The following MEGF11 variants were observed in gnomAD, a reference collection of about 807,000 sequenced individuals.
MEGF11 encodes multiple EGF like domains 11.
MEGF11 carries 126 observed loss-of-function variants against 146.6 expected under a neutral mutation model. The ratio of observed to expected loss-of-function variants is 0.86; its 90% confidence interval spans 0.74 to 1.00. MEGF11 has a LOEUF of 1.00. Ranked by LOEUF, MEGF11 falls within the 50% of genes least tolerant of loss-of-function variation. The probability of loss-of-function intolerance (pLI) is 0.00; values close to 1 mark genes in which losing one functional copy is unlikely to be tolerated. For missense variants in MEGF11, 1,509 were observed against 1,521.2 expected, an observed-to-expected ratio of 0.99 and a Z score of 0.13; for synonymous variants, 532 against 583.4, an observed-to-expected ratio of 0.91 and a Z score of 1.27.
At chr15:66,141,279 T>TGAGA (rs1464004454) in intron 1 of MEGF11, among the ~76,000 whole-genome samples, 23 of 118,914 alleles carry the variant, frequency 1.9e-4, no homozygotes, top group Non-Finnish European at 2.6e-4. Context: ...TGTGTGTGTG[T>TGAGA]GTGTGTGTGT....
At chr15:65,968,121 G>T (rs1253506866) in intron 8 of MEGF11, among the ~76,000 whole-genome samples, 1 of 151,978 alleles carries the variant, frequency 6.6e-6, no homozygotes, top group Non-Finnish European at 1.5e-5. Flanking sequence ...AGAGGGAAGA[G>T]GAGGCAAGAA....
At chr15:66,065,440 C>T (rs2085083004) in intron 5 of MEGF11, among the ~76,000 whole-genome samples, 1 of 152,180 alleles carries the variant, frequency 6.6e-6, no homozygotes, top group Non-Finnish European at 1.5e-5. Context: ...GTCCTTTGCT[C>T]TGCATGTCTG....
intron 22 of MEGF11, 119 bp downstream of exon 22, chr15:65,909,621 C>A: frequency 9.7e-7 from 1 of 1,031,028 alleles, no homozygotes; most frequent in Non-Finnish European, 1.4e-6. Context: ...AAAATTTCTC[C>A]CTGGGGGAAA....
At position 66,094,462 on chromosome 15, in the gene MEGF11, A is replaced by G; in HGVS notation, c.334T>C (p.Cys112Arg). 3 of 1,560,430 alleles carry G rather than the reference A, an allele frequency of 1.9e-6. No homozygotes were observed. Among genetic ancestry groups the G allele is most frequent in the Non-Finnish European group, 2.6e-6 (3 of 1,152,112 alleles). The change falls in exon 5 of 26, where the codon TGC becomes CGC. Residue 112 changes from cysteine (C) to arginine (R), a missense_variant. Physicochemically the swap from Cys to Arg is radical, Grantham distance 180. Coordinates refer to ENST00000395614, the MANE Select transcript of MEGF11 (RefSeq NM_001385028.1). ...CAGTGGCAGGTGTCCGGGGAAACGC[A>G]GCGGCCGTGCACACACTCCTCCGTA... The part of the protein sequence containing the change: ...LCTEECVHGR[C>R]VSPDTCHCEP...
intron 5 of MEGF11, among the ~76,000 whole-genome samples, chr15:66,088,202 A>G (rs1374301816): frequency 1.3e-5 from 2 of 152,228 alleles, no homozygotes; most frequent in African/African-American, 4.8e-5. Flanking sequence ...CCAACAAAAA[A>G]AAGTCCAGGA....
At chr15:66,140,533 T>C (rs1597117443) in intron 1 of MEGF11, among the ~76,000 whole-genome samples, 1 of 152,310 alleles carries the variant, frequency 6.6e-6, no homozygotes, top group East Asian at 1.9e-4. Flanking sequence ...GGCAGGACGC[T>C]TGCACCAAGT....
At chr15:65,952,583 A>AC (rs1249521442) in intron 10 of MEGF11, among the ~76,000 whole-genome samples, 1 of 151,990 alleles carries the variant, frequency 6.6e-6, no homozygotes, top group Non-Finnish European at 1.5e-5. Context: ...CTGGGCGAGG[A>AC]CCCTGGATTC....
chr15:65,966,611 C>T (rs751041653), intron 8 of MEGF11, among the ~76,000 whole-genome samples: 1 of 152,140 alleles, frequency 6.6e-6, no homozygotes, highest in Non-Finnish European at 1.5e-5. Context: ...GCTATTTTCC[C>T]TTCCTTGGAA....
chr15:66,002,039 C>T (rs1005022558), intron 5 of MEGF11, among the ~76,000 whole-genome samples: 5 of 152,056 alleles, frequency 3.3e-5, no homozygotes, highest in African/African-American at 9.7e-5. Context: ...GAATCCCCTC[C>T]CCTCACACCA....
intron 1 of MEGF11, among the ~76,000 whole-genome samples, chr15:66,145,723 C>T (rs1263339422): frequency 6.6e-6 from 1 of 152,176 alleles, no homozygotes; most frequent in Non-Finnish European, 1.5e-5. Flanking sequence ...AGGCATCTGG[C>T]TCCATGTTGT....
At chr15:66,154,853 C>G (rs1305945391) in intron 1 of MEGF11, among the ~76,000 whole-genome samples, 1 of 152,216 alleles carries the variant, frequency 6.6e-6, no homozygotes. Flanking sequence ...AGGGAGGCAG[C>G]TATGTTCCAA....
intron 5 of MEGF11, among the ~76,000 whole-genome samples, chr15:65,990,421 T>C (rs1026319760): frequency 1.3e-5 from 2 of 151,556 alleles, no homozygotes; most frequent in Non-Finnish European, 2.9e-5. Context: ...TGTGGCGGCA[T>C]GTGCCTGTAG....
chr15:66,185,990 C>T (rs577661712), intron 1 of MEGF11, among the ~76,000 whole-genome samples: 1 of 152,316 alleles, frequency 6.6e-6, no homozygotes, highest in African/African-American at 2.4e-5. Flanking sequence ...CTGAATCCTA[C>T]TGAGGCATCG....
intron 4 of MEGF11, among the ~76,000 whole-genome samples, chr15:66,114,974 G>A (rs1014795225): frequency 2.6e-5 from 4 of 152,144 alleles, no homozygotes; most frequent in East Asian, 1.9e-4. Flanking sequence ...GGGATGGTCC[G>A]TCCTATGTCA....
chr15:66,103,859 AGACCCCCAGCCAGACGTAGG>A, intron 4 of MEGF11, among the ~76,000 whole-genome samples: 1 of 152,360 alleles, frequency 6.6e-6, no homozygotes, highest in African/African-American at 2.4e-5. Context: ...TTTACAGCAC[AGACCCCCAGCCAGACGTAGG>A]GGCCCATTCT....
At chr15:66,150,613 A>G (rs915081856) in intron 1 of MEGF11, among the ~76,000 whole-genome samples, 3 of 75,026 alleles carry the variant, frequency 4.0e-5, no homozygotes, top group Admixed American at 1.9e-4. Context: ...AAGACTTATT[A>G]GTGGAAGGAA....
chr15:66,241,286 G>A (rs1344958899), intron 1 of MEGF11, among the ~76,000 whole-genome samples: 3 of 152,206 alleles, frequency 2.0e-5, no homozygotes, highest in South Asian at 4.1e-4. Context: ...AGGGGCTGAC[G>A]GAACAGCAGA....
chr15:66,240,953 C>T (rs1202093891), intron 1 of MEGF11, among the ~76,000 whole-genome samples: 2 of 152,160 alleles, frequency 1.3e-5, no homozygotes, highest in Non-Finnish European at 2.9e-5. Context: ...CCTTTGTTTC[C>T]TATAAGGCCA....
chr15:66,056,190 C>A (rs2084667567), intron 5 of MEGF11, among the ~76,000 whole-genome samples: 1 of 151,902 alleles, frequency 6.6e-6, no homozygotes, highest in Non-Finnish European at 1.5e-5. Flanking sequence ...TAATGCCTTA[C>A]CCAATCCTTC....
Sources: allele counts gnomAD v4.1 joint callset (sites outside exome capture counted in the v4.1 genomes callset), GRCh38; gene constraint gnomAD v4.1.1; transcripts MANE v1.5; gene names NCBI Gene and HGNC (gene_info 2026-07-23, HGNC 2026-07-21).